LPXN: variants seen among roughly 807,000 people sequenced by gnomAD.
LPXN encodes leupaxin.
In LPXN, 28 loss-of-function variants were observed where a neutral mutation model predicts 45.6. The observed-to-expected ratio is 0.61, with a 90% CI of 0.45 to 0.84. LPXN has a LOEUF of 0.84. Ranked by LOEUF, LPXN falls within the 40% of genes least tolerant of loss-of-function variation. The pLI is 0.00. For synonymous variants in LPXN, 166 were observed against 169.9 expected (o/e 0.98, Z 0.18); for missense variants, 459 against 475.0 (o/e 0.97, Z 0.31).
At chr11:58,533,799 A>C (rs948520712) in intron 7 of LPXN, among the ~76,000 whole-genome samples, 1 of 152,196 alleles carries the variant, frequency 6.6e-6, no homozygotes, top group Non-Finnish European at 1.5e-5. Context: ...AAAGACACAC[A>C]TAGGCTCAAA....
chr11:58,572,687 G>T lies in LPXN; in HGVS notation c.14-1974C>A, dbSNP rs1279637640. ...ATATTAAGGAATTAATATTAAGGCT[G>T]TTGTTATGGCAATGGCATTACAGTT... On this transcript the variant is annotated intron_variant, in intron 1 of 8. Coordinates refer to ENST00000395074, the MANE Select transcript of LPXN (RefSeq NM_004811.3). Among the ~76,000 whole-genome samples the T allele has an allele frequency of 2.0e-5, 3 of 152,062 alleles. No homozygotes were observed. The East Asian group carries it at 5.8e-4, about 29-fold the overall frequency.
At position 58,559,035 on chromosome 11, in the gene LPXN, AT is replaced by A. The variant is rs575222174; in HGVS notation, c.219-4096del. Among the ~76,000 whole-genome samples the A allele has an allele frequency of 8.0e-3, 1,219 of 152,042 alleles. 5 individuals carry two copies. Among genetic ancestry groups the A allele is most frequent in the Non-Finnish European group, 0.012 (797 of 67,934 alleles). ...AGAAAAATAGAAACCTGAGCTAAAG[AT>A]TCTTTTAAAAAGCAGGTTTCAGAAA... On this transcript the variant is annotated intron_variant, in intron 3 of 8. Transcript: ENST00000395074.
chr11:58,529,753 C>T (rs906749944), intron 7 of LPXN, among the ~76,000 whole-genome samples: 1 of 151,970 alleles, frequency 6.6e-6, no homozygotes, highest in Admixed American at 6.6e-5. Context: ...GCAGGATGAC[C>T]GAATAGGAAC....
In LPXN at chr11:58,540,819, G is replaced by A. The variant is rs148567816; in HGVS notation, c.742+8967C>T. Among the ~76,000 whole-genome samples the A allele has an allele frequency of 6.6e-5, 10 of 152,116 alleles. No individual in the cohort carries two copies. In the East Asian group the frequency reaches 1.5e-3, roughly 23 times the overall value. On this transcript the variant is annotated intron_variant, in intron 7 of 8. Transcript: ENST00000395074. ...GCTACACTGAGAATGAGAAACTCAC[G>A]GTGATTGCTTTTTAAAACCTTTTAA...
chr11:58,578,675 A>C (rs1363923755), upstream of LPXN, among the ~76,000 whole-genome samples: 2 of 152,102 alleles, frequency 1.3e-5, no homozygotes, highest in Non-Finnish European at 2.9e-5. Context: ...CGGCCTAAAG[A>C]AGAATAGAAA....
chr11:58,532,330 G>A (rs911105114), intron 7 of LPXN, among the ~76,000 whole-genome samples: 8 of 152,236 alleles, frequency 5.3e-5, no homozygotes, highest in East Asian at 1.9e-4. Flanking sequence ...GAGTGTGGGC[G>A]CACGGCACGA....
intron 1 of LPXN, among the ~76,000 whole-genome samples, chr11:58,572,761 C>G (rs937467975): frequency 6.6e-6 from 1 of 151,884 alleles, no homozygotes; most frequent in African/African-American, 2.4e-5. Flanking sequence ...AAAATAGTTA[C>G]AGATAAAATG....
chr11:58,539,021 T>G (rs1853636952), intron 7 of LPXN, among the ~76,000 whole-genome samples: 1 of 151,482 alleles, frequency 6.6e-6, no homozygotes, highest in African/African-American at 2.4e-5. Context: ...CAATGACAGA[T>G]TCTATCAGGG....
chr11:58,545,054 G>A (rs1853838106), intron 7 of LPXN, among the ~76,000 whole-genome samples: 3 of 152,138 alleles, frequency 2.0e-5, no homozygotes, highest in African/African-American at 7.2e-5. Flanking sequence ...TGATCATATG[G>A]CAGGAGACCT....
At chr11:58,563,967 G>A (rs1025986102) in intron 3 of LPXN, among the ~76,000 whole-genome samples, 188 bp downstream of exon 3, 1 of 152,136 alleles carries the variant, frequency 6.6e-6, no homozygotes, top group Non-Finnish European at 1.5e-5. Flanking sequence ...CCAGAAGCCA[G>A]GCACCTTGAG....
chr11:58,577,162 G>A (rs909682433), upstream of LPXN, among the ~76,000 whole-genome samples: 2 of 151,674 alleles, frequency 1.3e-5, no homozygotes, highest in African/African-American at 4.8e-5. Flanking sequence ...TTTTTGAAAG[G>A]AGATTCCTCC....
chr11:58,532,244 T>G (rs1853412400), intron 7 of LPXN, among the ~76,000 whole-genome samples: 1 of 152,194 alleles, frequency 6.6e-6, no homozygotes, highest in Admixed American at 6.5e-5. Context: ...TGGGCTCCCA[T>G]GCAGCCCAAG....
At chr11:58,560,162 T>C (rs1854330597) in intron 3 of LPXN, among the ~76,000 whole-genome samples, 1 of 152,228 alleles carries the variant, frequency 6.6e-6, no homozygotes, top group Non-Finnish European at 1.5e-5. Context: ...AGGTCATCTA[T>C]ACTAGGAAAA....
At chr11:58,562,091 T>G (rs1854394813) in intron 3 of LPXN, among the ~76,000 whole-genome samples, 2 of 152,282 alleles carry the variant, frequency 1.3e-5, no homozygotes, top group South Asian at 4.1e-4. Context: ...TTGTGCTGGG[T>G]TTTTTTCCCC....
At chr11:58,563,810 G>T (rs1191509876) in intron 3 of LPXN, among the ~76,000 whole-genome samples, 1 of 152,216 alleles carries the variant, frequency 6.6e-6, no homozygotes, top group East Asian at 1.9e-4. Flanking sequence ...TCTTGCTGAA[G>T]TTTCTTCAGG....
chr11:58,553,161 C>A (rs1453192355), intron 4 of LPXN, among the ~76,000 whole-genome samples: 1 of 151,914 alleles, frequency 6.6e-6, no homozygotes, highest in Non-Finnish European at 1.5e-5. Context: ...CATAGCAAAA[C>A]CTCGTCTCTA....
At chr11:58,554,798 A>ACTGCACTCACCTTGGC in intron 4 of LPXN, 43 bp downstream of exon 4, 26 of 1,513,024 alleles carry the variant, frequency 1.7e-5, no homozygotes, top group African/African-American at 1.4e-4. Flanking sequence ...TATCATCTGG[A>ACTGCACTCACCTTGGC]CTGCACTCAC....
chr11:58,572,170 A>G (rs1013105451), intron 1 of LPXN, among the ~76,000 whole-genome samples: 2 of 152,204 alleles, frequency 1.3e-5, no homozygotes, highest in South Asian at 2.1e-4. Context: ...GCCTACATCT[A>G]AAGTTCTCAG....
At chr11:58,555,093 T>G (rs747465323) in intron 3 of LPXN, among the ~76,000 whole-genome samples, 153 bp from the exon 4 acceptor site, 12 of 152,246 alleles carry the variant, frequency 7.9e-5, no homozygotes, top group Non-Finnish European at 1.5e-5. Context: ...TATATTAATA[T>G]GTACTAGACC....
Sources: allele counts gnomAD v4.1 joint callset (sites outside exome capture counted in the v4.1 genomes callset), GRCh38; gene constraint gnomAD v4.1.1; transcripts MANE v1.5; gene names NCBI Gene and HGNC (gene_info 2026-07-23, HGNC 2026-07-21).